Variants in ATP2A1 observed in about 807,000 individuals in gnomAD.
ATP2A1 encodes sarcoplasmic/endoplasmic reticulum calcium ATPase 1.
In ATP2A1, 83 loss-of-function variants were observed where a neutral mutation model predicts 109.5. The observed-to-expected ratio is 0.76, with a 90% confidence interval of 0.63 to 0.91. The LOEUF (loss-of-function observed/expected upper bound fraction) is 0.91. ATP2A1 is among the 40% of genes least tolerant of loss of function. The pLI is 0.00. For synonymous variants in ATP2A1, 505 were observed against 537.6 expected, an observed-to-expected ratio of 0.94 and a Z score of 0.84; for missense variants, 1,101 against 1,341.0, an observed-to-expected ratio of 0.82 and a Z score of 2.80.
chr16:28,896,841 G>A lies in ATP2A1; in HGVS notation c.1420-1159G>A, dbSNP rs571990659. The stretch of plus-strand genomic sequence containing the variant: ...CCCGAGTAGCTAGAATTACAGGCAC[G>A]TGCCACCACGCCTGGCTGATTTTGT... On this transcript the variant is annotated intron_variant, in intron 12 of 22. Transcript: ENST00000395503. 3.3e-4 allele frequency among the ~76,000 whole-genome samples: 50 copies of A among 150,708 alleles called. 1 individual carries two copies. The South Asian group carries it at 1.0e-2, about 30-fold the overall frequency.
chr16:28,904,054 AG>A, intron 22 of ATP2A1, 125 bp from the exon 23 acceptor site: 1 of 910,432 alleles, frequency 1.1e-6, no homozygotes, highest in Non-Finnish European at 1.8e-6. Context: ...GCAGGTGAGT[AG>A]GGGAGAAACT....
chr16:28,902,272 G>A lies in ATP2A1; in HGVS notation c.2410G>A (p.Ala804Thr). Residue 804 changes from alanine (A) to threonine (T), a missense_variant, in exon 17 of 23, where the codon GCC becomes ACC. By Grantham distance (58) the Ala-to-Thr change is moderately conservative. Coordinates refer to ENST00000395503, the MANE Select transcript of ATP2A1 (RefSeq NM_004320.6). This position sits in a 1 kb window ranked among gnomAD's most constrained non-coding sequence, Gnocchi z 4.8. ...WVNLVTDGLP[A>T]TALGFNPPDL... ...GAACTTGGTGACCGACGGGCTCCCA[G>A]CCACAGCCCTGGGCTTCAACCCACC... 1 of 1,614,168 alleles carries A rather than the reference G, an allele frequency of 6.2e-7. No individual in the cohort carries two copies. Among genetic ancestry groups the A allele is most frequent in the Non-Finnish European group, 8.5e-7 (1 of 1,180,028 alleles).
chr16:28,882,673 C>T, intron 5 of ATP2A1, 84 bp downstream of exon 5: 1 of 1,566,072 alleles, frequency 6.4e-7, no homozygotes, highest in Non-Finnish European at 8.7e-7. Context: ...AGGCTCGGAT[C>T]CAGGTGTCCA....
In ATP2A1 at chr16:28,887,233, C is replaced by A. The variant is rs1963638869; in HGVS notation, c.589C>A (p.Pro197Thr). Residue 197 changes from proline to threonine, a missense_variant, in exon 7 of 23, where the codon CCC becomes ACC. By Grantham distance (38) the Pro-to-Thr change is conservative. Transcript: ENST00000395503. ...CAAACACACGGAGCCCGTTCCTGACCCCCGAGCTGTCAACCAGGACAAGAA... is the reference window on the plus strand; with the variant it reads ...CAAACACACGGAGCCCGTTCCTGACACCCGAGCTGTCAACCAGGACAAGAA... ...VIKHTEPVPD[P>T]RAVNQDKKNM... 1.9e-6 allele frequency: 3 copies of A among 1,613,798 alleles called. No homozygotes were observed. The highest frequency in any genetic ancestry group is 1.7e-5 in the Admixed American group (1 of 59,964).
chr16:28,894,960 C>T lies in ATP2A1; in HGVS notation c.1419+7C>T, dbSNP rs1299202142. The T allele has an allele frequency of 1.9e-6, 3 of 1,610,506 alleles. No homozygotes were observed. The East Asian group carries it at 6.7e-5, about 36-fold the overall frequency. ...AGCCAACGCCTGCAACTCGGTGAGC[C>T]TGCGGAGCCCCTGCCACAGGGCCGT... On this transcript the variant is annotated splice_region_variant and intron_variant, in intron 12 of 22. Coordinates refer to ENST00000395503, the MANE Select transcript of ATP2A1 (RefSeq NM_004320.6).
chr16:28,887,380 G>C, intron 7 of ATP2A1, 45 bp from the exon 8 acceptor site: 2 of 1,613,504 alleles, frequency 1.2e-6, no homozygotes, highest in Non-Finnish European at 1.7e-6. Flanking sequence ...TGCGGCATGA[G>C]GGTCACCTCT....
intron 6 of ATP2A1, among the ~76,000 whole-genome samples, chr16:28,885,109 C>T (rs1191295491): frequency 4.6e-5 from 7 of 151,856 alleles, no homozygotes; most frequent in Non-Finnish European, 7.4e-5. Flanking sequence ...ATTAGCCAGG[C>T]GTGGTGGCAG....
intron 6 of ATP2A1, among the ~76,000 whole-genome samples, 177 bp from the exon 7 acceptor site, chr16:28,887,009 AAAG>A (rs1360871298): frequency 4.6e-5 from 7 of 151,458 alleles, no homozygotes; most frequent in African/African-American, 1.7e-4. Flanking sequence ...AAAAAAAAAA[AAAG>A]GAGCAATGGA....
rs201849283 is a variant in ATP2A1, at chr16:28,904,216, G to A, written c.*74G>A. On this transcript the variant is annotated 3_prime_UTR_variant, in exon 23 of 23. Coordinates refer to ENST00000395503, the MANE Select transcript of ATP2A1 (RefSeq NM_004320.6). The stretch of plus-strand genomic sequence containing the variant: ...GAAAGAAGGAAGTGAGCATCCTTTT[G>A]CTCTGTCCTCCCCACCCCGATAGTG... 22 of 1,613,536 alleles carry A rather than the reference G, an allele frequency of 1.4e-5. No homozygotes were observed. Among genetic ancestry groups the A allele is most frequent in the Admixed American group, 1.7e-5 (1 of 59,972 alleles).
Position 28,888,934 on chromosome 16 carries a change from A to G in ATP2A1, c.1076A>G (p.Asn359Ser). The G allele has an allele frequency of 6.2e-7, 1 of 1,613,894 alleles. No individual in the cohort carries two copies. The highest frequency in any genetic ancestry group is 8.5e-7 in the Non-Finnish European group (1 of 1,179,964). ...GACAAGACAGGCACCCTCACCACCA[A>G]CCAGATGTCTGTCTGCAAGGTCAGG... ...CSDKTGTLTT[N>S]QMSVCKMFII... The change falls in exon 9 of 23, where the codon AAC becomes AGC. Residue 359 changes from asparagine (N) to serine (S), a missense_variant. Asn to Ser is a conservative substitution (Grantham distance 46). Coordinates refer to ENST00000395503, the MANE Select transcript of ATP2A1 (RefSeq NM_004320.6).
chr16:28,890,504 A>G (rs1022512627), intron 9 of ATP2A1, among the ~76,000 whole-genome samples: 5 of 151,652 alleles, frequency 3.3e-5, no homozygotes, highest in African/African-American at 1.2e-4. Context: ...ATAAAATAAA[A>G]TAGGGCTAGG....
intron 8 of ATP2A1, among the ~76,000 whole-genome samples, chr16:28,888,083 G>A (rs528924610): frequency 1.2e-4 from 18 of 152,166 alleles, no homozygotes; most frequent in African/African-American, 2.2e-4. Flanking sequence ...TTACAGGCGT[G>A]AGCCACCGCA....
chr16:28,880,863 C>T lies in ATP2A1; in HGVS notation c.220-52C>T. Reference sequence around the variant, plus strand: ...TTTGCAGTGGTCCACTTCCTTTCTCCATCTGTTTTGGGGCCTCATTACCTG... The same window carrying T: ...TTTGCAGTGGTCCACTTCCTTTCTCTATCTGTTTTGGGGCCTCATTACCTG... On this transcript the variant is annotated intron_variant, in intron 3 of 22. Coordinates refer to ENST00000395503, the MANE Select transcript of ATP2A1 (RefSeq NM_004320.6). The surrounding 1 kb of genome is among the most constrained non-coding windows in gnomAD (Gnocchi z 4.2). 1 of 1,521,676 alleles carries T rather than the reference C, an allele frequency of 6.6e-7. No individual in the cohort carries two copies. The highest frequency in any genetic ancestry group is 9.1e-7 in the Non-Finnish European group (1 of 1,095,906). 94.3% of individuals were successfully genotyped at this position (1,521,676 alleles called of 1,614,324 possible).
intron 12 of ATP2A1, among the ~76,000 whole-genome samples, chr16:28,895,236 A>G (rs570839835): frequency 2.0e-5 from 3 of 152,376 alleles, no homozygotes; most frequent in East Asian, 1.9e-4. Flanking sequence ...GGACCCATCC[A>G]GGAGCAGCCC....
intron 5 of ATP2A1, among the ~76,000 whole-genome samples, chr16:28,884,120 C>T (rs1303601602): frequency 2.0e-5 from 3 of 152,156 alleles, no homozygotes; most frequent in Non-Finnish European, 2.9e-5. Context: ...CCCTGTTTTC[C>T]CTGAGTTCTT....
At position 28,898,271 on chromosome 16, in the gene ATP2A1, G is replaced by A. The variant is rs201087326; in HGVS notation, c.1584G>A (p.Val528=). 13 of 1,614,230 alleles carry A rather than the reference G, an allele frequency of 8.1e-6. No individual in the cohort carries two copies. The highest frequency in any genetic ancestry group is 1.1e-5 in the Non-Finnish European group (13 of 1,180,048). The change falls in exon 14 of 23, where the codon GTG becomes GTA. Residue 528 remains valine (V), a synonymous_variant. Coordinates refer to ENST00000395503, the MANE Select transcript of ATP2A1 (RefSeq NM_004320.6). The surrounding 1 kb of genome is among the most constrained non-coding windows in gnomAD (Gnocchi z 4.0). ...PEGVIDRCNY[V]RVGTTRVPLT... is the part of the protein sequence containing the mutation. The stretch of plus-strand genomic sequence containing the variant: ...GCGTCATCGACCGCTGTAACTATGT[G>A]CGAGTTGGCACCACCCGGGTGCCAC...
chr16:28,900,052 T>G (rs967277582), intron 14 of ATP2A1, among the ~76,000 whole-genome samples: 1 of 151,066 alleles, frequency 6.6e-6, no homozygotes, highest in African/African-American at 2.4e-5. Context: ...CGCAGCACAT[T>G]GGGAGGCCGA....
rs927188042 is a variant in ATP2A1, at chr16:28,898,682, G to C, written c.1764+231G>C. ...ACTTTGGGAAGCTGAGATGGGAAAA[G>C]CGCTTGAGCCCAGGAGTTCAAGACC... On this transcript the variant is annotated intron_variant, in intron 14 of 22. Coordinates refer to ENST00000395503, the MANE Select transcript of ATP2A1 (RefSeq NM_004320.6). This position sits in a 1 kb window ranked among gnomAD's most constrained non-coding sequence, Gnocchi z 4.0. Among the ~76,000 whole-genome samples, 6 of 152,062 alleles carry C rather than the reference G, an allele frequency of 3.9e-5. No homozygotes were observed. The highest frequency in any genetic ancestry group is 1.4e-4 in the African/African-American group (6 of 41,396).
At position 28,879,523 on chromosome 16, in the gene ATP2A1, G is replaced by A. The variant is rs148925426; in HGVS notation, c.159G>A (p.Val53=). ...CAGGGAAGACCCTGTGGGAGCTGGTGATAGAGCAGTTTGAAGACCTCCTGG... is the reference window on the plus strand; with the variant it reads ...CAGGGAAGACCCTGTGGGAGCTGGTAATAGAGCAGTTTGAAGACCTCCTGG... ...AEEGKTLWEL[V]IEQFEDLLVR... is the part of the protein sequence containing the mutation. The change falls in exon 3 of 23, where the codon GTG becomes GTA. Residue 53 remains valine, a synonymous_variant. Coordinates refer to ENST00000395503, the MANE Select transcript of ATP2A1 (RefSeq NM_004320.6). 349 of 1,614,172 alleles carry A rather than the reference G, an allele frequency of 2.2e-4. 4 individuals are homozygous for A. The African/African-American group carries it at 4.3e-3, about 20-fold the overall frequency.
Sources: gnomAD v4.1 joint callset for allele counts (sites outside exome capture counted in the v4.1 genomes callset) on GRCh38, gnomAD v4.1.1 for gene constraint, Gnocchi (gnomAD v3.1) non-coding constraint, MANE v1.5 for transcripts, NCBI Gene and HGNC (gene_info 2026-07-23, HGNC 2026-07-21) for gene names.